MYT1: variants seen among roughly 807,000 people sequenced by gnomAD.
MYT1 encodes myelin transcription factor I.
A neutral mutation model predicts 123.0 loss-of-function variants in MYT1; 23 were observed. The ratio of observed to expected loss-of-function variants is 0.19; its 90% CI spans 0.13 to 0.26. The LOEUF (loss-of-function observed/expected upper bound fraction) is 0.26, where lower values mean the gene tolerates loss of function less well. Ranked by LOEUF, MYT1 falls within the 10% of genes least tolerant of loss-of-function variation. The pLI is 1.00. For synonymous variants in MYT1, 518 were observed against 575.3 expected (o/e 0.90, Z 1.43); for missense variants, 1,125 against 1,472.5 (o/e 0.76, Z 3.86).
Position 64,199,887 on chromosome 20 carries a change from C to T in MYT1, c.56-5C>T. On this transcript the variant is annotated splice_polypyrimidine_tract_variant and splice_region_variant and intron_variant, in intron 3 of 22. Coordinates refer to ENST00000328439, the MANE Select transcript of MYT1 (RefSeq NM_004535.3). Reference sequence around the variant, plus strand: ...ATGTTTTCCCTGTTTCTGTCTTTTTCCCAGGACCCCCAGAGACCACAGCTG... The same window carrying T: ...ATGTTTTCCCTGTTTCTGTCTTTTTTCCAGGACCCCCAGAGACCACAGCTG... The T allele has an allele frequency of 6.2e-7, 1 of 1,614,054 alleles. No homozygotes were observed. Among genetic ancestry groups the T allele is most frequent in the Non-Finnish European group, 8.5e-7 (1 of 1,179,920 alleles).
chr20:64,182,739 C>A (rs1430298927), intron 1 of MYT1, among the ~76,000 whole-genome samples: 2 of 152,116 alleles, frequency 1.3e-5, no homozygotes, highest in Non-Finnish European at 2.9e-5. Flanking sequence ...TGAGGCGCAG[C>A]GGTCCAGAGG....
In MYT1 at chr20:64,166,343, C is replaced by G. The variant is rs980730789; in HGVS notation, c.-99+1604C>G. Among the ~76,000 whole-genome samples, 1 of 152,112 alleles carries G rather than the reference C, an allele frequency of 6.6e-6. No individual in the cohort carries two copies. Among genetic ancestry groups the G allele is most frequent in the Non-Finnish European group, 1.5e-5 (1 of 68,002 alleles). On this transcript the variant is annotated intron_variant, in intron 1 of 22. Transcript: ENST00000328439. This position sits in a 1 kb window ranked among gnomAD's most constrained non-coding sequence, Gnocchi z 4.9. ...GGCAGTCTTATGGATTCTTCTGTCCCGTAGAGACTGAGACTCCTACAGGGT... is the reference window on the plus strand; with the variant it reads ...GGCAGTCTTATGGATTCTTCTGTCCGGTAGAGACTGAGACTCCTACAGGGT...
Position 64,240,445 on chromosome 20 carries a change from C to G in MYT1, c.3363C>G (p.Val1121=), listed in dbSNP as rs763939118. ...AGCAGGCTGTGAGGGGCATCCAGGT[C>G]TAGGCCGTGTGGTACCCAGAAGTGT... ...SIKQAVRGIQ[V] is the part of the protein sequence containing the mutation. The change falls in exon 23 of 23, where the codon GTC becomes GTG. Residue 1121 remains valine, a synonymous_variant. Transcript: ENST00000328439. 4.0e-5 allele frequency: 64 copies of G among 1,612,252 alleles called. No homozygotes were observed. The highest frequency in any genetic ancestry group is 5.3e-5 in the Non-Finnish European group (63 of 1,179,534).
At chr20:64,170,275 C>T (rs1347432926) in intron 1 of MYT1, among the ~76,000 whole-genome samples, 1 of 152,148 alleles carries the variant, frequency 6.6e-6, no homozygotes, top group African/African-American at 2.4e-5. Context: ...TTTGAAATCC[C>T]GCTCTCGGGA....
chr20:64,167,603 C>G lies in MYT1; in HGVS notation c.-99+2864C>G, dbSNP rs368483257. Among the ~76,000 whole-genome samples, 429 of 152,322 alleles carry G rather than the reference C, an allele frequency of 2.8e-3. 23 individuals carry two copies. In the South Asian group the frequency reaches 0.076, roughly 27 times the overall value. On this transcript the variant is annotated intron_variant, in intron 1 of 22. Transcript: ENST00000328439. This position sits in a 1 kb window ranked among gnomAD's most constrained non-coding sequence, Gnocchi z 6.3. Reference sequence around the variant, plus strand: ...ACTCAGGCATCTTGAAGAGTGGATGCTCTGCCTGTCCCAATGCTGGAAGAC... The same window carrying G: ...ACTCAGGCATCTTGAAGAGTGGATGGTCTGCCTGTCCCAATGCTGGAAGAC...
At position 64,232,496 on chromosome 20, in the gene MYT1, A is replaced by G; in HGVS notation, c.2897+111A>G. On this transcript the variant is annotated intron_variant, in intron 19 of 22. Transcript: ENST00000328439. This position sits in a 1 kb window ranked among gnomAD's most constrained non-coding sequence, Gnocchi z 6.9. ...CCAGACCAGGGCTCCGTGTGACCAG[A>G]GTTGCTCAAGGGAAAGGCCAGGCCA... 8.9e-7 allele frequency: 1 copy of G among 1,118,670 alleles called. No individual in the cohort carries two copies. Among genetic ancestry groups the G allele is most frequent in the Non-Finnish European group, 1.3e-6 (1 of 770,522 alleles). 69.3% of individuals were successfully genotyped at this position (1,118,670 alleles called of 1,614,324 possible).
At position 64,170,884 on chromosome 20, in the gene MYT1, T is replaced by TAGAGAGAGAGAG. The variant is rs71197459; in HGVS notation, c.-99+6185_-99+6196dup. On this transcript the variant is annotated intron_variant, in intron 1 of 22. Transcript: ENST00000328439. ...ATATATATATATATATATATATATA[T>TAGAGAGAGAGAG]AGAGAGAGAGAGAGAGAGAGAGAGA... Among the ~76,000 whole-genome samples, 33 of 20,010 alleles carry TAGAGAGAGAGAG rather than the reference T, an allele frequency of 1.6e-3. 3 individuals carry two copies. The highest frequency in any genetic ancestry group is 3.2e-3 in the Admixed American group (3 of 952). 13.1% of individuals were successfully genotyped at this position (20,010 alleles called of 152,430 possible). A position where few individuals can be genotyped will look rare whatever the true frequency, so the allele number is the denominator to read the frequency against.
chr20:64,179,145 G>A (rs546137180), intron 1 of MYT1, among the ~76,000 whole-genome samples: 8 of 146,694 alleles, frequency 5.5e-5, no homozygotes, highest in African/African-American at 1.5e-4. Context: ...TTATTCAGTG[G>A]GATACCCTTC....
intron 4 of MYT1, among the ~76,000 whole-genome samples, chr20:64,204,602 CTG>C (rs11468613): frequency 0.11 from 16,785 of 152,172 alleles, 1,334 homozygotes; most frequent in African/African-American, 0.22. Flanking sequence ...AATGCAGAGA[CTG>C]TTACCCTCGA....
chr20:64,187,126 G>A (rs1176965542), intron 1 of MYT1, among the ~76,000 whole-genome samples: 15 of 148,374 alleles, frequency 1.0e-4, no homozygotes, highest in Admixed American at 7.4e-4. Context: ...CCTGTGGCAC[G>A]TGGCCCCGGC....
At chr20:64,200,544 G>A (rs1601710037) in intron 4 of MYT1, among the ~76,000 whole-genome samples, 1 of 152,170 alleles carries the variant, frequency 6.6e-6, no homozygotes, top group East Asian at 1.9e-4. Flanking sequence ...GCAGAGGTGG[G>A]ACAGGAAGAC....
At position 64,193,883 on chromosome 20, in the gene MYT1, G is replaced by A. The variant is rs963597446; in HGVS notation, c.-1+3723G>A. 6.6e-6 allele frequency among the ~76,000 whole-genome samples: 1 copy of A among 152,110 alleles called. No homozygotes were observed. The highest frequency in any genetic ancestry group is 6.5e-5 in the Admixed American group (1 of 15,268). On this transcript the variant is annotated intron_variant, in intron 2 of 22. Coordinates refer to ENST00000328439, the MANE Select transcript of MYT1 (RefSeq NM_004535.3). The surrounding 1 kb of genome is among the most constrained non-coding windows in gnomAD (Gnocchi z 4.0). ...AATTCTCCAGATTTGCTGGCTGTCAGAACACATTTTAAATAAAATAAAACA... is the reference window on the plus strand; with the variant it reads ...AATTCTCCAGATTTGCTGGCTGTCAAAACACATTTTAAATAAAATAAAACA...
Position 64,168,809 on chromosome 20 carries a change from G to A in MYT1, c.-99+4070G>A, listed in dbSNP as rs1050954674. Reference sequence around the variant, plus strand: ...TGGTCCTCAGGAAGTAGGCTGCAGCGCTCTGCAGGAGTCAGGGTGGCCAGG... The same window carrying A: ...TGGTCCTCAGGAAGTAGGCTGCAGCACTCTGCAGGAGTCAGGGTGGCCAGG... On this transcript the variant is annotated intron_variant, in intron 1 of 22. Transcript: ENST00000328439. This position sits in a 1 kb window ranked among gnomAD's most constrained non-coding sequence, Gnocchi z 6.1. Among the ~76,000 whole-genome samples, 5 of 152,336 alleles carry A rather than the reference G, an allele frequency of 3.3e-5. No individual in the cohort carries two copies. The highest frequency in any genetic ancestry group is 2.1e-4 in the South Asian group (1 of 4,832).
At chr20:64,195,650 C>G (rs1983098116) in intron 2 of MYT1, among the ~76,000 whole-genome samples, 1 of 152,086 alleles carries the variant, frequency 6.6e-6, no homozygotes, top group Admixed American at 6.5e-5. Flanking sequence ...CCCGCCTCAG[C>G]CTCTTAAAGT....
At chr20:64,197,643 C>A (rs1018246818) in intron 2 of MYT1, among the ~76,000 whole-genome samples, 2 of 152,188 alleles carry the variant, frequency 1.3e-5, no homozygotes, top group African/African-American at 4.8e-5. Flanking sequence ...GTGTGGCTCC[C>A]CGGGAAGGAT....
At position 64,236,236 on chromosome 20, in the gene MYT1, A is replaced by ACCCTGGGC. The variant is rs1984535421; in HGVS notation, c.2898-319_2898-318insCCCTGGGC. 7.1e-4 allele frequency among the ~76,000 whole-genome samples: 25 copies of ACCCTGGGC among 35,412 alleles called. 3 individuals carry two copies. Among genetic ancestry groups the ACCCTGGGC allele is most frequent in the African/African-American group, 5.2e-3 (24 of 4,584 alleles). 23.2% of individuals were successfully genotyped at this position (35,412 alleles called of 152,430 possible). On this transcript the variant is annotated intron_variant, in intron 19 of 22. Coordinates refer to ENST00000328439, the MANE Select transcript of MYT1 (RefSeq NM_004535.3). ...GCTGGCTGTGGTGGGTGACCCTGGG[A>ACCCTGGGC]TGGCTGTGGTGGGTGACCCTGGGAT...
In MYT1 at chr20:64,191,116, G is replaced by A. The variant is rs1982957030; in HGVS notation, c.-1+956G>A. 1.3e-5 allele frequency among the ~76,000 whole-genome samples: 2 copies of A among 152,222 alleles called. No individual in the cohort carries two copies. The highest frequency in any genetic ancestry group is 4.1e-4 in the South Asian group (2 of 4,830). On this transcript the variant is annotated intron_variant, in intron 2 of 22. Transcript: ENST00000328439. The surrounding 1 kb of genome is among the most constrained non-coding windows in gnomAD (Gnocchi z 4.1). ...TCTCTATTCACCCTGCTTTTACCTG[G>A]CCAGGCTGAGAATCCCTACAGGATC...
At chr20:64,179,892 TAC>T (rs1982588603) in intron 1 of MYT1, among the ~76,000 whole-genome samples, 3 of 150,136 alleles carry the variant, frequency 2.0e-5, no homozygotes, top group Non-Finnish European at 3.0e-5. Context: ...ACACACACGC[TAC>T]ACAGTTACAT....
In MYT1 at chr20:64,167,180, A is replaced by G. The variant is rs1000882190; in HGVS notation, c.-99+2441A>G. On this transcript the variant is annotated intron_variant, in intron 1 of 22. Transcript: ENST00000328439. The surrounding 1 kb of genome is among the most constrained non-coding windows in gnomAD (Gnocchi z 6.3). ...CTTGGAATGCCAGTTTGCACAACCC[A>G]GTACTGTGCAGAGAGAGCAGGAGAG... Among the ~76,000 whole-genome samples the G allele has an allele frequency of 7.2e-5, 11 of 152,166 alleles. No homozygotes were observed. The highest frequency in any genetic ancestry group is 2.2e-4 in the African/African-American group (9 of 41,446).
Sources: allele counts gnomAD v4.1 joint callset (sites outside exome capture counted in the v4.1 genomes callset), GRCh38; gene constraint gnomAD v4.1.1; non-coding constraint Gnocchi (gnomAD v3.1); transcripts MANE v1.5; gene names NCBI Gene and HGNC (gene_info 2026-07-23, HGNC 2026-07-21).